Variants in RNF130 observed in about 807,000 individuals in gnomAD.
RNF130 encodes ring finger protein 130.
Under a neutral mutation model 44.6 loss-of-function variants are expected in RNF130, and 21 were observed. The observed-to-expected ratio is 0.47, with a 90% confidence interval of 0.33 to 0.68. The LOEUF is 0.68. Among genes scored for constraint, RNF130 ranks in the 30% least tolerant of loss-of-function variants. The probability of loss-of-function intolerance (pLI) is 0.02; values close to 1 mark genes in which losing one functional copy is unlikely to be tolerated. For missense variants in RNF130, 479 were observed against 560.6 expected (o/e 0.85, Z 1.47); for synonymous variants, 214 against 210.4 (o/e 1.02, Z -0.15).
chr5:179,932,613 GGATCACCT>G (rs1398797554), intron 7 of RNF130, among the ~76,000 whole-genome samples: 2 of 151,902 alleles, frequency 1.3e-5, no homozygotes, highest in Non-Finnish European at 2.9e-5. Context: ...CGAGATGGAT[GGATCACCT>G]GAGGTCAGGA....
rs115187615 is a variant in RNF130 at position 179,946,060 on chromosome 5, G to A, written c.1150+20746C>T. Reference sequence around the variant, plus strand: ...CCCCTGTGCTTCCCATCAGCGTTTCGCTGTCCTCCAAGGGACTTTTCAAAT... The same window carrying A: ...CCCCTGTGCTTCCCATCAGCGTTTCACTGTCCTCCAAGGGACTTTTCAAAT... On this transcript the variant is annotated intron_variant, in intron 7 of 7. Coordinates refer to the RNF130 transcript ENST00000522208. 3.3e-3 allele frequency among the ~76,000 whole-genome samples: 496 copies of A among 152,274 alleles called. 4 individuals carry two copies. The highest frequency in any genetic ancestry group is 0.011 in the African/African-American group (464 of 41,524).
chr5:179,963,646 C>T (rs373816859), intron 7 of RNF130, 82 bp from the exon 8 acceptor site: 84 of 974,812 alleles, frequency 8.6e-5, no homozygotes, highest in Non-Finnish European at 1.3e-4. Flanking sequence ...TCAAATGCAA[C>T]GAAGCAGACG....
chr5:179,944,157 C>CG (rs111748122), intron 7 of RNF130, among the ~76,000 whole-genome samples: 2,690 of 151,652 alleles, frequency 0.018, 30 homozygotes, highest in Non-Finnish European at 0.025. Context: ...TTAGTAGAGA[C>CG]GGGGGGGTTC....
intron 7 of RNF130, among the ~76,000 whole-genome samples, chr5:179,925,137 G>C (rs1304123819): frequency 2.0e-5 from 3 of 152,206 alleles, no homozygotes; most frequent in Non-Finnish European, 4.4e-5. Flanking sequence ...AAAGAGGTGG[G>C]TGAAGGCGGG....
intron 1 of RNF130, among the ~76,000 whole-genome samples, chr5:180,064,760 T>C (rs1031354692): frequency 1.3e-5 from 2 of 152,244 alleles, no homozygotes; most frequent in African/African-American, 4.8e-5. Flanking sequence ...GTCATCTGTG[T>C]TTGTAGAGTC....
chr5:179,953,828 G>A (rs1000821492), downstream of RNF130, among the ~76,000 whole-genome samples: 1 of 152,176 alleles, frequency 6.6e-6, no homozygotes, highest in Non-Finnish European at 1.5e-5. Context: ...AAATAGTTTA[G>A]AGAATGTGAG....
intron 1 of RNF130, among the ~76,000 whole-genome samples, chr5:180,051,740 A>G (rs1263793063): frequency 6.6e-6 from 1 of 152,186 alleles, no homozygotes; most frequent in Non-Finnish European, 1.5e-5. Flanking sequence ...CATCCTTAGA[A>G]CGCAAATATA....
intron 2 of RNF130, among the ~76,000 whole-genome samples, chr5:180,029,750 C>T (rs1022584443): frequency 9.2e-5 from 14 of 151,682 alleles, no homozygotes; most frequent in African/African-American, 3.4e-4. Context: ...ATGTCTAGAA[C>T]AGGCTGACCT....
In RNF130 at chr5:180,046,263, C is replaced by T. The variant is rs1031879151; in HGVS notation, c.248-5616G>A. Among the ~76,000 whole-genome samples, 4 of 152,152 alleles carry T rather than the reference C, an allele frequency of 2.6e-5. No individual in the cohort carries two copies. In the East Asian group the frequency reaches 5.8e-4, roughly 22 times the overall value. On this transcript the variant is annotated intron_variant, in intron 1 of 8. Transcript: ENST00000521389. ...CCACGCAGAACTCCAGGGCCAGCCT[C>T]GGCCAGCCCAGAGAGGGGCTCCCAC...
At chr5:179,944,499 TG>T (rs1318778005) in intron 7 of RNF130, among the ~76,000 whole-genome samples, 1 of 152,146 alleles carries the variant, frequency 6.6e-6, no homozygotes, top group African/African-American at 2.4e-5. Context: ...AGTCTTGCTC[TG>T]CCGCCCAGGC....
At chr5:179,952,411 T>C (rs1013752741), downstream of RNF130, among the ~76,000 whole-genome samples, 2 of 152,162 alleles carry the variant, frequency 1.3e-5, no homozygotes, top group African/African-American at 4.8e-5. Flanking sequence ...CAGGACCAGA[T>C]GGCTTCCAAA....
chr5:180,055,281 CAAA>C (rs869087305), intron 1 of RNF130, among the ~76,000 whole-genome samples: 1 of 45,656 alleles, frequency 2.2e-5, no homozygotes, highest in Admixed American at 3.3e-4. Flanking sequence ...AAAAAAAAAA[CAAA>C]AAAAAACAGC....
At chr5:180,037,945 ATTTCTTTAAT>A (rs1251200968) in intron 2 of RNF130, among the ~76,000 whole-genome samples, 2 of 152,086 alleles carry the variant, frequency 1.3e-5, no homozygotes, top group Non-Finnish European at 2.9e-5. Context: ...ATACCCCTGC[ATTTCTTTAAT>A]TTGTGCTGTT....
intron 1 of RNF130, among the ~76,000 whole-genome samples, chr5:180,045,918 C>A (rs1764553311): frequency 6.6e-6 from 1 of 152,238 alleles, no homozygotes; most frequent in East Asian, 1.9e-4. Flanking sequence ...AGGAGCCCAG[C>A]TGGCTTCCCC....
At chr5:180,055,290 A>AAAAAAAAAAAAAAC (rs1561709682) in intron 1 of RNF130, among the ~76,000 whole-genome samples, 1 of 100,058 alleles carries the variant, frequency 1.0e-5, no homozygotes. Flanking sequence ...ACAAAAAAAA[A>AAAAAAAAAAAAAAC]CAGCAAACAA....
At chr5:180,005,368 C>T (rs1270189801) in intron 3 of RNF130, among the ~76,000 whole-genome samples, 1 of 152,170 alleles carries the variant, frequency 6.6e-6, no homozygotes. Flanking sequence ...GCGGAGCTTG[C>T]AGTGAGCTGT....
chr5:179,973,641 C>CCCT (rs1356467824), intron 5 of RNF130, among the ~76,000 whole-genome samples: 3 of 152,188 alleles, frequency 2.0e-5, no homozygotes, highest in Non-Finnish European at 4.4e-5. Context: ...ACCGCGCTCA[C>CCCT]CCTCACTATG....
At chr5:179,956,740 A>AC (rs1283954239) in intron 8 of RNF130, among the ~76,000 whole-genome samples, 1 of 152,188 alleles carries the variant, frequency 6.6e-6, no homozygotes, top group Non-Finnish European at 1.5e-5. Flanking sequence ...CGCAGGCATG[A>AC]CCCAGAAGGG....
At chr5:179,994,733 A>G (rs1212204518) in intron 3 of RNF130, among the ~76,000 whole-genome samples, 1 of 152,146 alleles carries the variant, frequency 6.6e-6, no homozygotes, top group East Asian at 1.9e-4. Context: ...AGTCATGAGA[A>G]GCTTTTCTTA....
Sources: allele counts gnomAD v4.1 joint callset (sites outside exome capture counted in the v4.1 genomes callset), GRCh38; gene constraint gnomAD v4.1.1; transcripts MANE v1.5; gene names NCBI Gene and HGNC (gene_info 2026-07-23, HGNC 2026-07-21).